Variants in ITGAV observed in about 807,000 individuals in gnomAD.
ITGAV encodes the protein integrin alpha-V.
Under a neutral mutation model 143.8 loss-of-function variants are expected in ITGAV, and 76 were observed. The ratio of observed to expected loss-of-function variants is 0.53; its 90% CI spans 0.44 to 0.64. ITGAV has a LOEUF of 0.64. Among genes scored for constraint, ITGAV ranks in the 30% least tolerant of loss-of-function variants. The pLI, the probability that ITGAV is intolerant of heterozygous loss-of-function variation, is 0.00. For missense variants in ITGAV, 1,193 were observed against 1,274.7 expected (o/e 0.94, Z 0.98); for synonymous variants, 453 against 446.7 (o/e 1.01, Z -0.18).
chr2:186,594,522 C>T (rs1686695752), intron 1 of ITGAV, among the ~76,000 whole-genome samples: 1 of 152,152 alleles, frequency 6.6e-6, no homozygotes, highest in Admixed American at 6.5e-5. Context: ...TCAGGTCCTC[C>T]CCCATCCCTC....
intron 1 of ITGAV, among the ~76,000 whole-genome samples, chr2:186,600,898 A>G (rs1686884134): frequency 6.6e-6 from 1 of 151,952 alleles, no homozygotes; most frequent in East Asian, 1.9e-4. Context: ...GGTGGAGGAT[A>G]CAGTGAGCCA....
At chr2:186,615,680 GT>G (rs148045979) in intron 2 of ITGAV, among the ~76,000 whole-genome samples, 33 of 143,386 alleles carry the variant, frequency 2.3e-4, no homozygotes, top group African/African-American at 5.6e-4. Flanking sequence ...GGAGTTTTTC[GT>G]TTTTTTTTTC....
chr2:186,674,721 A>C (rs1338523213), intron 26 of ITGAV, among the ~76,000 whole-genome samples: 1 of 152,114 alleles, frequency 6.6e-6, no homozygotes, highest in African/African-American at 2.4e-5. Context: ...CATGTTGGCC[A>C]GGCTGGTCTC....
At chr2:186,667,106 T>C (rs375259672) in intron 22 of ITGAV, 44 bp from the exon 23 acceptor site, 44 of 1,467,612 alleles carry the variant, frequency 3.0e-5, no homozygotes, top group Non-Finnish European at 3.6e-5. Context: ...TGTTCTTGGT[T>C]GTTATGCATA....
intron 3 of ITGAV, among the ~76,000 whole-genome samples, chr2:186,623,135 C>T (rs1187291032): frequency 6.6e-6 from 1 of 152,192 alleles, no homozygotes; most frequent in Non-Finnish European, 1.5e-5. Context: ...TTCCTCTGCT[C>T]CTCTTCTCAG....
chr2:186,621,914 C>T (rs936357951), intron 2 of ITGAV, among the ~76,000 whole-genome samples: 8 of 152,144 alleles, frequency 5.3e-5, no homozygotes, highest in African/African-American at 1.9e-4. Context: ...CTTAGGCACA[C>T]GTCTCAGTCT....
At chr2:186,630,632 A>G (rs1687790897) in intron 4 of ITGAV, among the ~76,000 whole-genome samples, 165 bp from the exon 5 acceptor site, 1 of 152,104 alleles carries the variant, frequency 6.6e-6, no homozygotes, top group Non-Finnish European at 1.5e-5. Flanking sequence ...GCTGATAAAC[A>G]TGCATACTCT....
At chr2:186,617,492 C>T (rs978090832) in intron 2 of ITGAV, among the ~76,000 whole-genome samples, 8 of 152,288 alleles carry the variant, frequency 5.3e-5, no homozygotes, top group African/African-American at 1.9e-4. Context: ...ATGCAAATGA[C>T]AAGTTTCCAA....
At chr2:186,647,134 A>C (rs1688286050) in intron 13 of ITGAV, among the ~76,000 whole-genome samples, 1 of 152,182 alleles carries the variant, frequency 6.6e-6, no homozygotes, top group Non-Finnish European at 1.5e-5. Flanking sequence ...GTATTACAGA[A>C]GTTATAAACA....
At chr2:186,649,087 TTTC>T (rs1488914115) in intron 13 of ITGAV, among the ~76,000 whole-genome samples, 1 of 150,938 alleles carries the variant, frequency 6.6e-6, no homozygotes, top group Non-Finnish European at 1.5e-5. Flanking sequence ...GTGTCTCTTT[TTTC>T]TTCTTTGCTA....
chr2:186,632,002 G>T (rs1687825672), intron 5 of ITGAV, among the ~76,000 whole-genome samples: 1 of 152,124 alleles, frequency 6.6e-6, no homozygotes, highest in Non-Finnish European at 1.5e-5. Context: ...ATTCCAGCCT[G>T]GGCAACAGAG....
At chr2:186,654,827 T>G in intron 16 of ITGAV, 119 bp downstream of exon 16, 1 of 541,358 alleles carries the variant, frequency 1.8e-6, no homozygotes, top group South Asian at 3.0e-5. Context: ...TATTTGAATG[T>G]TTATGCTTAA....
intron 3 of ITGAV, among the ~76,000 whole-genome samples, chr2:186,623,509 C>G (rs985869904): frequency 3.3e-5 from 5 of 152,086 alleles, no homozygotes; most frequent in Non-Finnish European, 7.4e-5. Context: ...CTCTATTTAG[C>G]TTCCTTTGCT....
intron 14 of ITGAV, 49 bp from the exon 15 acceptor site, chr2:186,651,933 A>C: frequency 2.8e-6 from 3 of 1,078,302 alleles, no homozygotes; most frequent in Non-Finnish European, 4.2e-6. Context: ...CAATCAACCT[A>C]ACTTTTTAAA....
intron 6 of ITGAV, among the ~76,000 whole-genome samples, chr2:186,635,067 TAATA>T (rs1436515942): frequency 6.6e-6 from 1 of 152,120 alleles, no homozygotes; most frequent in Non-Finnish European, 1.5e-5. Context: ...TAGGACACAG[TAATA>T]AATTAGGACA....
intron 17 of ITGAV, among the ~76,000 whole-genome samples, chr2:186,657,023 C>G (rs1688610526): frequency 3.7e-5 from 3 of 81,664 alleles, no homozygotes; most frequent in Non-Finnish European, 5.3e-5. Flanking sequence ...CACACACACA[C>G]AGAAGCCACT....
chr2:186,608,681 T>C (rs1687133528), intron 2 of ITGAV, among the ~76,000 whole-genome samples: 2 of 152,164 alleles, frequency 1.3e-5, no homozygotes, highest in East Asian at 1.9e-4. Flanking sequence ...ATAAGCTATC[T>C]AAAGGCAGGG....
At position 186,667,505 on chromosome 2, in the gene ITGAV, A is replaced by G. The variant is rs999424488; in HGVS notation, c.2328-166A>G. 147 of 523,260 alleles carry G rather than the reference A, an allele frequency of 2.8e-4. 1 individual carries two copies. Among genetic ancestry groups the G allele is most frequent in the Middle Eastern group, 1.0e-3 (2 of 1,994 alleles). The allele number at this position is 523,260 out of a possible 1,614,324, so 32.4% of individuals were successfully genotyped here. ...TTCACCTGTTACGTGTACATTTCAT[A>G]AGAGCAGTTTTTGTGCATGTGTGTG... is the stretch of plus-strand genomic sequence containing the variant. On this transcript the variant is annotated intron_variant, in intron 23 of 29. Transcript: ENST00000261023.
At chr2:186,601,914 A>G (rs1308899976) in intron 1 of ITGAV, 107 bp from the exon 2 acceptor site, 1 of 1,205,744 alleles carries the variant, frequency 8.3e-7, no homozygotes, top group African/African-American at 1.5e-5. Context: ...ATGGTTTTAA[A>G]AAATATTTAT....
Sources: allele counts gnomAD v4.1 joint callset (sites outside exome capture counted in the v4.1 genomes callset), GRCh38; gene constraint gnomAD v4.1.1; transcripts MANE v1.5; gene names NCBI Gene and HGNC (gene_info 2026-07-23, HGNC 2026-07-21).